The following ZNF585B variants were observed in gnomAD, a reference collection of about 807,000 sequenced individuals.
ZNF585B encodes the protein zinc finger protein 41-like protein.
In ZNF585B, 7 loss-of-function variants were observed where a neutral mutation model predicts 14.0. That is an observed-to-expected ratio of 0.50 (90% CI 0.28 to 0.94). The LOEUF is 0.94. ZNF585B is among the 40% of genes least tolerant of loss of function. The pLI is 0.09. For synonymous variants in ZNF585B, 290 were observed against 317.3 expected, an observed-to-expected ratio of 0.91 and a Z score of 0.91; for missense variants, 750 against 924.4, an observed-to-expected ratio of 0.81 and a Z score of 2.45.
chr19:37,200,565 A>C (rs1468389646), intron 2 of ZNF585B, among the ~76,000 whole-genome samples: 3 of 151,300 alleles, frequency 2.0e-5, no homozygotes, highest in Non-Finnish European at 4.4e-5. Context: ...AAAAAAAAAA[A>C]AAAAGCACAA....
intron 2 of ZNF585B, chr19:37,198,945 G>C: frequency 6.7e-7 from 1 of 1,483,112 alleles, no homozygotes; most frequent in Middle Eastern, 1.7e-4. Flanking sequence ...CTACCTTGTT[G>C]ATTTCTTCAT....
At chr19:37,195,597 ATAAAC>A (rs1435103002) in intron 2 of ZNF585B, among the ~76,000 whole-genome samples, 1 of 152,090 alleles carries the variant, frequency 6.6e-6, no homozygotes, top group African/African-American at 2.4e-5. Context: ...ACTTATTTAG[ATAAAC>A]TAAATAAATT....
rs180880405 is a variant in ZNF585B, at chr19:37,209,127, G to A, written c.-144+1314C>T. Among the ~76,000 whole-genome samples, 65 of 152,032 alleles carry A rather than the reference G, an allele frequency of 4.3e-4. No individual in the cohort carries two copies. The East Asian group carries it at 9.8e-3, about 23-fold the overall frequency. On this transcript the variant is annotated intron_variant, in intron 1 of 4. Transcript: ENST00000532828. ...ATCTATTTTTTTATTTTTTTGAGATGGAGTTTCACTCTTGTCGCCCCGGCT... is the reference window on the plus strand; with the variant it reads ...ATCTATTTTTTTATTTTTTTGAGATAGAGTTTCACTCTTGTCGCCCCGGCT...
intron 2 of ZNF585B, 54 bp from the exon 3 acceptor site, chr19:37,190,204 G>A: frequency 6.2e-7 from 1 of 1,603,380 alleles, no homozygotes; most frequent in Non-Finnish European, 8.5e-7. Flanking sequence ...ACGGTGGAGT[G>A]ACTATATATG....
At chr19:37,201,720 T>G (rs1266399608) in intron 2 of ZNF585B, among the ~76,000 whole-genome samples, 1 of 152,144 alleles carries the variant, frequency 6.6e-6, no homozygotes, top group African/African-American at 2.4e-5. Context: ...GAAATGAAAA[T>G]GTGGTAAGTG....
Position 37,184,942 on chromosome 19 carries a change from G to A in ZNF585B, c.*285C>T, listed in dbSNP as rs966741029. The A allele has an allele frequency of 1.5e-5, 7 of 457,776 alleles. No individual in the cohort carries two copies. The highest frequency in any genetic ancestry group is 2.7e-5 in the Non-Finnish European group (7 of 261,332). The allele number at this position is 457,776 out of a possible 1,614,324, so 28.4% of individuals were successfully genotyped here. Reference sequence around the variant, plus strand: ...CTTTCTTATGAAGAATTTGGTAACAGTATTCTATTGTAGTTTTCATGAGAA... The same window carrying A: ...CTTTCTTATGAAGAATTTGGTAACAATATTCTATTGTAGTTTTCATGAGAA... On this transcript the variant is annotated 3_prime_UTR_variant, in exon 5 of 5. Transcript: ENST00000532828.
At chr19:37,199,970 G>A (rs1972513071) in intron 2 of ZNF585B, among the ~76,000 whole-genome samples, 1 of 151,834 alleles carries the variant, frequency 6.6e-6, no homozygotes, top group Admixed American at 6.6e-5. Flanking sequence ...TTGAACCTGG[G>A]AGGTGGAGGT....
At chr19:37,202,645 T>G (rs1664695) in intron 2 of ZNF585B, among the ~76,000 whole-genome samples, 56,195 of 146,800 alleles carry the variant, frequency 0.38, 11,631 homozygotes, top group African/African-American at 0.54. Flanking sequence ...GCATGGTTTT[T>G]TTTTTTTTTT....
intron 2 of ZNF585B, among the ~76,000 whole-genome samples, chr19:37,194,441 C>T (rs1972437548): frequency 6.6e-6 from 1 of 152,098 alleles, no homozygotes; most frequent in Non-Finnish European, 1.5e-5. Flanking sequence ...TGGCAAAACC[C>T]CATCTCTGCT....
Position 37,186,754 on chromosome 19 carries a change from C to G in ZNF585B, c.783G>C (p.Gln261His). The G allele has an allele frequency of 2.5e-6, 4 of 1,614,144 alleles. No homozygotes were observed. The highest frequency in any genetic ancestry group is 2.5e-6 in the Non-Finnish European group (3 of 1,180,010). The change falls in exon 5 of 5, where the codon CAG becomes CAC. Residue 261 changes from glutamine to histidine, a missense_variant. Around this residue, in one of 2 missense-constraint regions of ZNF585B, gnomAD observed 517 missense variants for 570.3 expected, o/e 0.91. Transcript: ENST00000532828. Reference protein sequence around the residue: ...FTQKSTLKIHQKIHTGERSYI... With the variant: ...FTQKSTLKIHHKIHTGERSYI... ...AGGATCTCTCGCCTGTATGGATTTT[C>G]TGATGAATCTTGAGTGTGGACTTTT...
intron 4 of ZNF585B, chr19:37,189,434 T>C: frequency 9.5e-6 from 5 of 525,250 alleles, no homozygotes; most frequent in Non-Finnish European, 1.7e-5. Flanking sequence ...ATAATAAAGA[T>C]TTATCTTTAA....
chr19:37,193,651 G>A (rs1398223562), intron 2 of ZNF585B, among the ~76,000 whole-genome samples: 1 of 151,986 alleles, frequency 6.6e-6, no homozygotes, highest in Non-Finnish European at 1.5e-5. Flanking sequence ...CTGGTGGCAG[G>A]CACCTGTAGT....
intron 2 of ZNF585B, among the ~76,000 whole-genome samples, chr19:37,192,506 C>CAA (rs373034059): frequency 0.04 from 5,090 of 127,744 alleles, 293 homozygotes; most frequent in African/African-American, 0.13. Context: ...GAACCTGTCT[C>CAA]AAAAAAAAAA....
intron 2 of ZNF585B, among the ~76,000 whole-genome samples, chr19:37,205,396 A>G (rs1192879760): frequency 6.6e-6 from 1 of 152,244 alleles, no homozygotes; most frequent in Non-Finnish European, 1.5e-5. Context: ...TATATCCAAT[A>G]GAAAGAGAAG....
intron 4 of ZNF585B, among the ~76,000 whole-genome samples, chr19:37,188,984 C>A (rs1464489264): frequency 6.6e-6 from 1 of 150,882 alleles, no homozygotes; most frequent in East Asian, 2.0e-4. Context: ...GTCACCCAGG[C>A]TGGAGTGCAA....
At position 37,181,895 on chromosome 19, in the gene ZNF585B, T is replaced by C. The variant is rs1455964246; in HGVS notation, c.*3332A>G. 1.3e-5 allele frequency: 2 copies of C among 152,190 alleles called. No individual in the cohort carries two copies. 9.4% of individuals were successfully genotyped at this position (152,190 alleles called of 1,614,324 possible). Reference sequence around the variant, plus strand: ...AGGATTATTGGGACAGTGAAACGGCTCTTTATCCTTCTGTAATAATGCATA... The same window carrying C: ...AGGATTATTGGGACAGTGAAACGGCCCTTTATCCTTCTGTAATAATGCATA... On this transcript the variant is annotated 3_prime_UTR_variant, in exon 5 of 5. Coordinates refer to ENST00000532828, the MANE Select transcript of ZNF585B (RefSeq NM_152279.4).
At chr19:37,190,309 G>A (rs987964738) in intron 2 of ZNF585B, 159 bp from the exon 3 acceptor site, 10 of 1,021,850 alleles carry the variant, frequency 9.8e-6, no homozygotes, top group South Asian at 4.0e-5. Flanking sequence ...GCAGTGGCGC[G>A]ATCTTGGCTT....
At chr19:37,198,997 T>C (rs530261070) in intron 2 of ZNF585B, 1 of 1,531,626 alleles carries the variant, frequency 6.5e-7, no homozygotes, top group African/African-American at 1.4e-5. Context: ...TTGTGATGCA[T>C]ATTGATTGTG....
chr19:37,203,224 C>CT (rs1972550967), intron 2 of ZNF585B, among the ~76,000 whole-genome samples: 1 of 151,926 alleles, frequency 6.6e-6, no homozygotes, highest in South Asian at 2.1e-4. Flanking sequence ...ACCATAACTG[C>CT]TTTTTTCCCA....
Sources: allele counts gnomAD v4.1 joint callset (sites outside exome capture counted in the v4.1 genomes callset), GRCh38; gene constraint gnomAD v4.1.1; regional missense constraint gnomAD v4.1.1; transcripts MANE v1.5; gene names NCBI Gene and HGNC (gene_info 2026-07-23, HGNC 2026-07-21).